The following SGCZ variants were observed in gnomAD, a reference collection of about 807,000 sequenced individuals.
The protein encoded by SGCZ is sarcoglycan zeta, also known as zeta-sarcoglycan.
In SGCZ, 40 loss-of-function variants were observed where a neutral mutation model predicts 41.3. That is an observed-to-expected ratio of 0.97 (90% confidence interval 0.75 to 1.26). The LOEUF (loss-of-function observed/expected upper bound fraction) is 1.26. Among genes scored for constraint, SGCZ ranks in the 50% most tolerant of loss-of-function variants. The probability of loss-of-function intolerance (pLI) is 0.00; values close to 1 mark genes in which losing one functional copy is unlikely to be tolerated. For synonymous variants in SGCZ, 206 were observed against 137.5 expected, an observed-to-expected ratio of 1.50 and a Z score of -3.49; for missense variants, 552 against 369.8, an observed-to-expected ratio of 1.49 and a Z score of -4.04.
intron 2 of SGCZ, among the ~76,000 whole-genome samples, chr8:14,549,652 A>C (rs755598880): frequency 6.6e-6 from 1 of 152,092 alleles, no homozygotes; most frequent in East Asian, 1.9e-4. Flanking sequence ...GGACGTTGAT[A>C]GAGGAGAAGA....
chr8:14,169,681 T>C (rs181520126), intron 4 of SGCZ, among the ~76,000 whole-genome samples: 24 of 152,304 alleles, frequency 1.6e-4, no homozygotes, highest in Admixed American at 3.3e-4. Flanking sequence ...TCCAGTTCTG[T>C]TATGAGCATT....
chr8:15,147,845 T>C (rs2117011233), intron 1 of SGCZ, among the ~76,000 whole-genome samples: 1 of 152,312 alleles, frequency 6.6e-6, no homozygotes, highest in South Asian at 2.1e-4. Flanking sequence ...TTCCATGTAA[T>C]ATATACTATG....
chr8:14,245,621 T>C (rs541675008), intron 3 of SGCZ, among the ~76,000 whole-genome samples: 18 of 152,022 alleles, frequency 1.2e-4, no homozygotes, highest in Non-Finnish European at 1.8e-4. Flanking sequence ...AAAGAGCTTC[T>C]GCACAGCAAA....
chr8:15,009,590 C>G (rs13266339), intron 1 of SGCZ, among the ~76,000 whole-genome samples: 73,736 of 152,000 alleles, frequency 0.49, 18,272 homozygotes, highest in South Asian at 0.55. Flanking sequence ...GAGTGAAAAT[C>G]ATGGAAAAAA....
intron 3 of SGCZ, among the ~76,000 whole-genome samples, chr8:14,269,706 T>C (rs972281931): frequency 2.6e-5 from 4 of 152,134 alleles, no homozygotes; most frequent in Non-Finnish European, 4.4e-5. Context: ...TATGACATGA[T>C]GCTGTCAACT....
chr8:15,014,397 G>A (rs1802947860), intron 1 of SGCZ, among the ~76,000 whole-genome samples: 2 of 152,168 alleles, frequency 1.3e-5, no homozygotes, highest in Non-Finnish European at 2.9e-5. Flanking sequence ...ACTTACTCAG[G>A]AATGGTAGCT....
intron 1 of SGCZ, among the ~76,000 whole-genome samples, chr8:14,777,382 T>C (rs1800438382): frequency 6.6e-6 from 1 of 152,196 alleles, no homozygotes; most frequent in Non-Finnish European, 1.5e-5. Context: ...GTCAGTATTT[T>C]CTATACACTT....
intron 1 of SGCZ, among the ~76,000 whole-genome samples, chr8:14,859,400 TA>T (rs143039140): frequency 0.017 from 2,498 of 150,498 alleles, 36 homozygotes; most frequent in African/African-American, 0.045. Flanking sequence ...GTCATAAAGA[TA>T]AAAAAAAAGG....
intron 2 of SGCZ, among the ~76,000 whole-genome samples, chr8:14,471,918 T>C (rs1421773968): frequency 6.6e-6 from 1 of 151,992 alleles, no homozygotes; most frequent in Non-Finnish European, 1.5e-5. Flanking sequence ...AATAAATACA[T>C]CATCATCTGA....
intron 1 of SGCZ, among the ~76,000 whole-genome samples, chr8:14,816,238 A>G (rs953103567): frequency 2.0e-5 from 3 of 152,196 alleles, no homozygotes; most frequent in African/African-American, 7.2e-5. Flanking sequence ...GTGAGTGGTT[A>G]TTCGTTTGAG....
intron 1 of SGCZ, among the ~76,000 whole-genome samples, chr8:14,946,408 A>G (rs934631905): frequency 6.6e-6 from 1 of 151,992 alleles, no homozygotes; most frequent in African/African-American, 2.4e-5. Flanking sequence ...TTCATTTCTA[A>G]CTGCCCTGTA....
At chr8:14,484,332 C>T (rs1472138834) in intron 2 of SGCZ, among the ~76,000 whole-genome samples, 1 of 151,986 alleles carries the variant, frequency 6.6e-6, no homozygotes, top group Non-Finnish European at 1.5e-5. Context: ...TAAGTGCAAA[C>T]GATGCAAGTT....
In SGCZ at chr8:14,615,547, G is replaced by A. The variant is rs80353800; in HGVS notation, c.40-60621C>T. Among the ~76,000 whole-genome samples the A allele has an allele frequency of 8.2e-3, 1,244 of 152,190 alleles. 22 individuals are homozygous for A. Among genetic ancestry groups the A allele is most frequent in the African/African-American group, 0.028 (1,177 of 41,544 alleles). On this transcript the variant is annotated intron_variant, in intron 1 of 7. Coordinates refer to ENST00000382080, the MANE Select transcript of SGCZ (RefSeq NM_139167.4). ...TTAACAAGTATCAAGAATATAGTAA[G>A]AAAAAATACACTGAAAACTTTGTAC...
intron 2 of SGCZ, among the ~76,000 whole-genome samples, chr8:14,498,976 A>G (rs1429071717): frequency 6.6e-6 from 1 of 151,668 alleles, no homozygotes; most frequent in African/African-American, 2.4e-5. Context: ...TGGTCCAGTT[A>G]TGCTAGAAAA....
intron 1 of SGCZ, among the ~76,000 whole-genome samples, chr8:14,845,538 G>A (rs1007529033): frequency 6.6e-6 from 1 of 152,120 alleles, no homozygotes; most frequent in African/African-American, 2.4e-5. Flanking sequence ...AACAGAAACT[G>A]ACCTAAAGTT....
intron 2 of SGCZ, among the ~76,000 whole-genome samples, chr8:14,546,484 A>G (rs1055511849): frequency 1.3e-5 from 2 of 152,186 alleles, no homozygotes; most frequent in African/African-American, 2.4e-5. Flanking sequence ...TCTTTTATAA[A>G]GGTGCCATTA....
chr8:14,550,710 GT>G (rs1039832286), intron 2 of SGCZ, among the ~76,000 whole-genome samples: 1 of 151,934 alleles, frequency 6.6e-6, no homozygotes, highest in Non-Finnish European at 1.5e-5. Context: ...GGGATTGCTG[GT>G]AACCTTGCCA....
At chr8:14,821,994 A>C (rs1802106683) in intron 1 of SGCZ, among the ~76,000 whole-genome samples, 1 of 151,984 alleles carries the variant, frequency 6.6e-6, no homozygotes, top group African/African-American at 2.4e-5. Flanking sequence ...AATATTAAGG[A>C]CATCCAAATT....
At chr8:15,057,281 G>A (rs1804748363) in intron 1 of SGCZ, among the ~76,000 whole-genome samples, 1 of 152,162 alleles carries the variant, frequency 6.6e-6, no homozygotes, top group Non-Finnish European at 1.5e-5. Flanking sequence ...AAATAAAAGT[G>A]CCATCTGAGG....
Sources: allele counts gnomAD v4.1 joint callset (sites outside exome capture counted in the v4.1 genomes callset), GRCh38; gene constraint gnomAD v4.1.1; transcripts MANE v1.5; gene names NCBI Gene and HGNC (gene_info 2026-07-23, HGNC 2026-07-21).